The following XIRP2 variants were observed in gnomAD, a reference collection of about 807,000 sequenced individuals.
The protein encoded by XIRP2 is xin actin binding repeat containing 2.
In XIRP2, 236 loss-of-function variants were observed where a neutral mutation model predicts 277.0. The ratio of observed to expected loss-of-function variants is 0.85; its 90% CI spans 0.77 to 0.95. XIRP2 has a LOEUF of 0.95. Among genes scored for constraint, XIRP2 ranks in the 40% least tolerant of loss-of-function variants. The pLI is 0.00. For missense variants in XIRP2, 4,640 were observed against 4,157.5 expected (o/e 1.12, Z -3.19); for synonymous variants, 1,490 against 1,416.5 (o/e 1.05, Z -1.17).
intron 2 of XIRP2, among the ~76,000 whole-genome samples, chr2:166,944,666 G>A (rs74607327): frequency 0.092 from 14,011 of 152,072 alleles, 724 homozygotes; most frequent in Non-Finnish European, 0.11. Context: ...TAACATTTAG[G>A]TACATAATTC....
At chr2:167,196,771 A>G (rs1693532642) in intron 3 of XIRP2, among the ~76,000 whole-genome samples, 1 of 151,920 alleles carries the variant, frequency 6.6e-6, no homozygotes, top group African/African-American at 2.4e-5. Flanking sequence ...ATCCCACAAA[A>G]CTAGGAGGAT....
intron 2 of XIRP2, among the ~76,000 whole-genome samples, chr2:167,089,957 G>A (rs566860551): frequency 2.0e-5 from 3 of 152,258 alleles, no homozygotes; most frequent in South Asian, 2.1e-4. Flanking sequence ...GCATAGAAAA[G>A]TAGAGTTAAA....
At chr2:166,968,375 A>C (rs1260811040) in intron 2 of XIRP2, among the ~76,000 whole-genome samples, 1 of 103,596 alleles carries the variant, frequency 9.7e-6, no homozygotes, top group Non-Finnish European at 1.8e-5. Context: ...TTTAAATATC[A>C]TCAGTATTTT....
intron 2 of XIRP2, among the ~76,000 whole-genome samples, chr2:167,117,545 G>A (rs1690929260): frequency 6.6e-6 from 1 of 152,168 alleles, no homozygotes; most frequent in African/African-American, 2.4e-5. Context: ...GCAAATCCAA[G>A]GAGATAATGT....
chr2:166,909,580 C>G (rs1684640893), intron 2 of XIRP2, among the ~76,000 whole-genome samples: 1 of 152,168 alleles, frequency 6.6e-6, no homozygotes, highest in Non-Finnish European at 1.5e-5. Flanking sequence ...AATTTGACTT[C>G]CTCTTTTCCT....
intron 3 of XIRP2, among the ~76,000 whole-genome samples, chr2:167,182,112 G>A (rs1282813608): frequency 6.6e-6 from 1 of 152,112 alleles, no homozygotes; most frequent in Non-Finnish European, 1.5e-5. Flanking sequence ...ACTTGGACAA[G>A]TGTAAATTAT....
chr2:167,100,028 C>A (rs529348080), intron 2 of XIRP2, among the ~76,000 whole-genome samples: 1 of 151,948 alleles, frequency 6.6e-6, no homozygotes, highest in Non-Finnish European at 1.5e-5. Context: ...TTATTCCTCA[C>A]AACGACACTG....
Position 167,250,458 on chromosome 2 carries a change from G to C in XIRP2, c.9066G>C (p.Met3022Ile), listed in dbSNP as rs777638516. 4.8e-5 allele frequency: 78 copies of C among 1,613,148 alleles called. No homozygotes were observed. The highest frequency in any genetic ancestry group is 6.3e-5 in the Non-Finnish European group (74 of 1,179,680). Residue 3022 changes from methionine (M) to isoleucine (I), a missense_variant, in exon 9 of 11, where the codon ATG becomes ATC. Coordinates refer to ENST00000409195, the MANE Select transcript of XIRP2 (RefSeq NM_152381.6). The stretch of plus-strand genomic sequence containing the variant: ...ATATTAAAACTCAAGCGGAAGATAT[G>C]CTTGTGTCCTATGAAAATATAATTC... ...ITHIKTQAED[M>I]LVSYENIIQT...
chr2:167,012,584 A>T (rs529711446), intron 2 of XIRP2, among the ~76,000 whole-genome samples: 1 of 151,630 alleles, frequency 6.6e-6, no homozygotes, highest in African/African-American at 2.4e-5. Context: ...AAAGTTTCCC[A>T]TCATTATGAC....
At chr2:167,184,700 C>A in intron 3 of XIRP2, 2 of 700,716 alleles carry the variant, frequency 2.9e-6, no homozygotes. Flanking sequence ...TTGGCTATCT[C>A]TGATGCCTTA....
At chr2:167,013,712 A>T (rs1404459565) in intron 2 of XIRP2, among the ~76,000 whole-genome samples, 1 of 151,654 alleles carries the variant, frequency 6.6e-6, no homozygotes, top group Non-Finnish European at 1.5e-5. Context: ...CTTAGGATTT[A>T]TTTGGGCAAT....
chr2:166,909,939 G>A (rs1184370793), intron 2 of XIRP2, among the ~76,000 whole-genome samples: 1 of 152,180 alleles, frequency 6.6e-6, no homozygotes, highest in Non-Finnish European at 1.5e-5. Flanking sequence ...TGTTGAACCA[G>A]CCTTGCATCC....
At chr2:167,003,365 G>A (rs1053746215) in intron 2 of XIRP2, among the ~76,000 whole-genome samples, 22 of 151,856 alleles carry the variant, frequency 1.4e-4, no homozygotes, top group African/African-American at 5.1e-4. Flanking sequence ...AGTGCAAAGG[G>A]AATACTGGGA....
At chr2:167,210,713 A>G in intron 3 of XIRP2, 22 bp from the exon 4 acceptor site, 1 of 1,613,834 alleles carries the variant, frequency 6.2e-7, no homozygotes, top group Non-Finnish European at 8.5e-7. Flanking sequence ...CACATGTGTA[A>G]GCATGCTCTG....
At chr2:167,009,069 T>C (rs1687587201) in intron 2 of XIRP2, among the ~76,000 whole-genome samples, 1 of 151,694 alleles carries the variant, frequency 6.6e-6, no homozygotes, top group African/African-American at 2.4e-5. Context: ...TATTTTATTT[T>C]ATTATTATTA....
chr2:166,911,084 A>G (rs1684686938), intron 2 of XIRP2, among the ~76,000 whole-genome samples: 1 of 152,158 alleles, frequency 6.6e-6, no homozygotes, highest in Non-Finnish European at 1.5e-5. Flanking sequence ...AAAAATGTAT[A>G]TTCTGTTGAT....
intron 3 of XIRP2, among the ~76,000 whole-genome samples, chr2:167,145,091 A>G (rs1691826729): frequency 6.6e-6 from 1 of 152,222 alleles, no homozygotes; most frequent in Non-Finnish European, 1.5e-5. Context: ...CCAAAGAATG[A>G]TTTATTCTAT....
intron 3 of XIRP2, among the ~76,000 whole-genome samples, chr2:167,193,135 G>A (rs955695138): frequency 6.6e-6 from 1 of 152,168 alleles, no homozygotes; most frequent in African/African-American, 2.4e-5. Context: ...GCATGAGTTT[G>A]CATTTAAGTC....
At chr2:167,211,774 T>C (rs1215160584) in intron 4 of XIRP2, among the ~76,000 whole-genome samples, 1 of 152,222 alleles carries the variant, frequency 6.6e-6, no homozygotes, top group Non-Finnish European at 1.5e-5. Context: ...GACACTCTGC[T>C]AAACCAATTA....
Sources: allele counts gnomAD v4.1 joint callset (sites outside exome capture counted in the v4.1 genomes callset), GRCh38; gene constraint gnomAD v4.1.1; transcripts MANE v1.5; gene names NCBI Gene and HGNC (gene_info 2026-07-23, HGNC 2026-07-21).